The following LRP1B variants were observed in gnomAD, a reference collection of about 807,000 sequenced individuals.
LRP1B encodes the protein low-density lipoprotein receptor-related protein 1B.
In LRP1B, 217 loss-of-function variants were observed where a neutral mutation model predicts 556.6. That is an observed-to-expected ratio of 0.39 (90% CI 0.35 to 0.44). The LOEUF (loss-of-function observed/expected upper bound fraction) is 0.44, where lower values mean the gene tolerates loss of function less well. Among genes scored for constraint, LRP1B ranks in the 20% least tolerant of loss-of-function variants. The probability of loss-of-function intolerance (pLI) is 1.00; values close to 1 mark genes in which losing one functional copy is unlikely to be tolerated. For missense variants in LRP1B, 5,053 were observed against 5,620.8 expected, an observed-to-expected ratio of 0.90 and a Z score of 3.23; for synonymous variants, 2,047 against 1,865.8, an observed-to-expected ratio of 1.10 and a Z score of -2.50.
intron 77 of LRP1B, among the ~76,000 whole-genome samples, chr2:140,342,529 T>C (rs1284987880): frequency 6.6e-6 from 1 of 151,572 alleles, no homozygotes; most frequent in Non-Finnish European, 1.5e-5. Context: ...ATGCAAGATT[T>C]TCAAATAATT....
Position 141,480,485 on chromosome 2 carries a change from A to G in LRP1B, c.254T>C (p.Leu85Pro). The G allele has an allele frequency of 6.2e-7, 1 of 1,614,056 alleles. No homozygotes were observed. Among genetic ancestry groups the G allele is most frequent in the Non-Finnish European group, 8.5e-7 (1 of 1,179,946 alleles). The change falls in exon 3 of 91, where the codon CTT (leucine) becomes CCT (proline). Residue 85 changes from leucine to proline, a missense_variant. By Grantham distance (98) the Leu-to-Pro change is moderately conservative (BLOSUM62 -3). Transcript: ENST00000389484. ...IKCPLNHIACLGTNKCVHLSQ... is the reference protein window; with the variant it reads ...IKCPLNHIACPGTNKCVHLSQ... ...TAAATGAACACATTTGTTGGTACCA[A>G]GGCAAGCAATGTGATTCAAGGGGCA...
chr2:140,992,423 C>T (rs1290643454), intron 16 of LRP1B: 1 of 152,054 alleles, frequency 6.6e-6, no homozygotes, highest in Non-Finnish European at 1.5e-5. Context: ...CTGATGAAAA[C>T]GTGGACCTAA....
intron 41 of LRP1B, among the ~76,000 whole-genome samples, chr2:140,616,676 A>T (rs111834897): frequency 6.6e-6 from 1 of 151,914 alleles, no homozygotes; most frequent in East Asian, 1.9e-4. Context: ...TTTATGAATG[A>T]TTCAGGTATA....
rs1686598430 is a variant in LRP1B, at chr2:140,445,111, T to C, written c.10058-432A>G. 1.3e-5 allele frequency among the ~76,000 whole-genome samples: 2 copies of C among 151,928 alleles called. 1 individual carries two copies. Among genetic ancestry groups the C allele is most frequent in the South Asian group, 4.2e-4 (2 of 4,808 alleles). On this transcript the variant is annotated intron_variant, in intron 63 of 90. Coordinates refer to ENST00000389484, the MANE Select transcript of LRP1B (RefSeq NM_018557.3). The stretch of plus-strand genomic sequence containing the variant: ...TATGATTTGTCCACAATACATATTC[T>C]CTCTCTCTCTTTTTTTTCTTTTGAG...
intron 1 of LRP1B, among the ~76,000 whole-genome samples, chr2:141,920,281 G>C (rs867557476): frequency 9.1e-6 from 1 of 110,400 alleles, no homozygotes; most frequent in African/African-American, 3.6e-5. Flanking sequence ...TTTTTTTTTG[G>C]GGGGGGGTGG....
chr2:141,856,674 G>A (rs569943761), intron 1 of LRP1B, among the ~76,000 whole-genome samples: 1 of 152,196 alleles, frequency 6.6e-6, no homozygotes, highest in South Asian at 2.1e-4. Context: ...AAGGCAAAAA[G>A]AGCAAGGTGA....
intron 1 of LRP1B, among the ~76,000 whole-genome samples, chr2:141,969,498 G>A (rs1290231472): frequency 4.0e-5 from 6 of 151,464 alleles, no homozygotes; most frequent in African/African-American, 1.5e-4. Context: ...CCACATAAGT[G>A]AAAACACACA....
chr2:141,514,831 T>C (rs1199966091), intron 2 of LRP1B, among the ~76,000 whole-genome samples: 1 of 148,170 alleles, frequency 6.7e-6, no homozygotes, highest in African/African-American at 2.5e-5. Context: ...AACTGGATAC[T>C]ATCCTGAAAG....
chr2:141,438,685 G>T (rs1680854274), intron 3 of LRP1B, among the ~76,000 whole-genome samples: 2 of 152,132 alleles, frequency 1.3e-5, no homozygotes, highest in Non-Finnish European at 2.9e-5. Flanking sequence ...TTTATTCTGG[G>T]ATGAGAACCA....
intron 1 of LRP1B, among the ~76,000 whole-genome samples, chr2:142,070,404 T>C (rs1018812628): frequency 6.6e-6 from 1 of 151,872 alleles, no homozygotes; most frequent in Non-Finnish European, 1.5e-5. Context: ...CTAAGGTTGC[T>C]TGTCTTTGTC....
intron 41 of LRP1B, among the ~76,000 whole-genome samples, chr2:140,645,144 T>C (rs964245754): frequency 1.3e-5 from 2 of 152,214 alleles, no homozygotes; most frequent in Non-Finnish European, 2.9e-5. Flanking sequence ...ATTTGGATTT[T>C]ACCATTTGCA....
chr2:140,791,053 A>G (rs1690102682), intron 32 of LRP1B, among the ~76,000 whole-genome samples: 1 of 151,796 alleles, frequency 6.6e-6, no homozygotes, highest in African/African-American at 2.4e-5. Context: ...CAAGAGATCG[A>G]GACCATCCTG....
chr2:140,310,609 C>A (rs796206900), intron 83 of LRP1B, among the ~76,000 whole-genome samples: 24 of 151,888 alleles, frequency 1.6e-4, no homozygotes, highest in African/African-American at 5.3e-4. Context: ...TTATGGCCAA[C>A]TGATCTTTGA....
chr2:140,471,736 A>G (rs549131496), intron 60 of LRP1B, among the ~76,000 whole-genome samples: 2 of 152,258 alleles, frequency 1.3e-5, no homozygotes, highest in African/African-American at 4.8e-5. Flanking sequence ...CACTCCATCA[A>G]CTAAACACCA....
chr2:141,879,157 C>T lies in LRP1B; in HGVS notation c.83-68756G>A, dbSNP rs143496420. Among the ~76,000 whole-genome samples, 563 of 151,812 alleles carry T rather than the reference C, an allele frequency of 3.7e-3. 3 individuals are homozygous for T. The highest frequency in any genetic ancestry group is 0.013 in the African/African-American group (546 of 41,470). The stretch of plus-strand genomic sequence containing the variant: ...AATCTTTATAGAAAATATATTATTA[C>T]TTGTAAGTATTCCTTATATTAATAA... On this transcript the variant is annotated intron_variant, in intron 1 of 90. Coordinates refer to ENST00000389484, the MANE Select transcript of LRP1B (RefSeq NM_018557.3).
chr2:140,688,251 A>G (rs1322622235), intron 41 of LRP1B, among the ~76,000 whole-genome samples: 1 of 152,202 alleles, frequency 6.6e-6, no homozygotes, highest in Non-Finnish European at 1.5e-5. Flanking sequence ...ACACATGTAA[A>G]CACTTATACT....
chr2:140,424,250 A>G (rs2105271075), intron 66 of LRP1B, among the ~76,000 whole-genome samples: 1 of 152,350 alleles, frequency 6.6e-6, no homozygotes, highest in South Asian at 2.1e-4. Flanking sequence ...AGACCCAAAA[A>G]AGTTAATCCA....
At position 141,902,173 on chromosome 2, in the gene LRP1B, TTAA is replaced by T. The variant is rs924340981; in HGVS notation, c.83-91775_83-91773del. On this transcript the variant is annotated intron_variant, in intron 1 of 90. Transcript: ENST00000389484. ...TAATTTTTTACAGGGAATATACATA[TTAA>T]TAATAATAATAATAAAAACTAAAAA... Among the ~76,000 whole-genome samples, 240 of 151,308 alleles carry T rather than the reference TTAA, an allele frequency of 1.6e-3. 2 individuals are homozygous for T. Among genetic ancestry groups the T allele is most frequent in the African/African-American group, 5.6e-3 (230 of 41,326 alleles).
intron 86 of LRP1B, among the ~76,000 whole-genome samples, chr2:140,250,905 C>G (rs1681384266): frequency 6.6e-6 from 1 of 151,502 alleles, no homozygotes; most frequent in Admixed American, 6.6e-5. Flanking sequence ...TAATAATATA[C>G]AAGCCCAGCA....
Sources: gnomAD v4.1 joint callset for allele counts (sites outside exome capture counted in the v4.1 genomes callset) on GRCh38, gnomAD v4.1.1 for gene constraint, MANE v1.5 for transcripts, NCBI Gene and HGNC (gene_info 2026-07-23, HGNC 2026-07-21) for gene names.